Variants in TMTC3 observed in about 807,000 individuals in gnomAD.
TMTC3 encodes the protein transmembrane O-mannosyltransferase targeting cadherins 3, also known as protein O-mannosyl-transferase TMTC3.
In TMTC3, 52 loss-of-function variants were observed where a neutral mutation model predicts 92.2. The ratio of observed to expected loss-of-function variants is 0.56; its 90% confidence interval spans 0.45 to 0.71. The LOEUF (loss-of-function observed/expected upper bound fraction) is 0.71. Ranked by LOEUF, TMTC3 falls within the 30% of genes least tolerant of loss-of-function variation. The probability of loss-of-function intolerance (pLI) is 0.00; values close to 1 mark genes in which losing one functional copy is unlikely to be tolerated. For synonymous variants in TMTC3, 339 were observed against 363.3 expected, an observed-to-expected ratio of 0.93 and a Z score of 0.76; for missense variants, 896 against 1,057.1, an observed-to-expected ratio of 0.85 and a Z score of 2.11.
rs2041512339 is a variant in TMTC3 at position 88,196,366 on chromosome 12, T to C, written c.*717T>C. On this transcript the variant is annotated 3_prime_UTR_variant, in exon 14 of 14. Coordinates refer to ENST00000266712, the MANE Select transcript of TMTC3 (RefSeq NM_181783.4). ...ATTTTTTGTTGTTTAGTTTTACTTA[T>C]TGAGAGTGTCACAACATGAATCACA... 1 of 152,418 alleles carries C rather than the reference T, an allele frequency of 6.6e-6. No individual in the cohort carries two copies. Among genetic ancestry groups the C allele is most frequent in the African/African-American group, 2.4e-5 (1 of 41,448 alleles). 9.4% of individuals were successfully genotyped at this position (152,418 alleles called of 1,614,324 possible).
Position 88,199,878 on chromosome 12 carries a change from CAAAA to C in TMTC3, c.*4232_*4235del, listed in dbSNP as rs200655766. On this transcript the variant is annotated 3_prime_UTR_variant, in exon 14 of 14. Transcript: ENST00000266712. ...TTTCTGCCTTAAATAAAATAACCCT[CAAAA>C]AACCATTCTAGTTTGCCCTTTCTTA... The C allele has an allele frequency of 1.3e-5, 2 of 152,296 alleles. No homozygotes were observed. Among genetic ancestry groups the C allele is most frequent in the African/African-American group, 4.8e-5 (2 of 41,572 alleles). 9.4% of individuals were successfully genotyped at this position (152,296 alleles called of 1,614,324 possible). A position where few individuals can be genotyped will look rare whatever the true frequency, so the allele number is the denominator to read the frequency against.
At chr12:88,153,623 C>T (rs2040971128) in intron 3 of TMTC3, 114 bp downstream of exon 3, 1 of 563,728 alleles carries the variant, frequency 1.8e-6, no homozygotes, top group African/African-American at 1.9e-5. Flanking sequence ...GACTTTAATC[C>T]AAATATTTGA....
chr12:88,155,398 G>A (rs1225159333), intron 4 of TMTC3, among the ~76,000 whole-genome samples: 1 of 152,140 alleles, frequency 6.6e-6, no homozygotes, highest in African/African-American at 2.4e-5. Flanking sequence ...TCCTCTTTAA[G>A]TACCATCCTC....
At position 88,198,320 on chromosome 12, in the gene TMTC3, G is replaced by GAGCTTATCA; in HGVS notation, c.*2672_*2680dup. On this transcript the variant is annotated 3_prime_UTR_variant, in exon 14 of 14. Transcript: ENST00000266712. Reference sequence around the variant, plus strand: ...TGATCATATGGAAGTTTGGAAAAGAGAGCTTATCACAGGTTTGTATGCTGG... The same window carrying GAGCTTATCA: ...TGATCATATGGAAGTTTGGAAAAGAGAGCTTATCAAGCTTATCACAGGTTTGTATGCTGG... The GAGCTTATCA allele has an allele frequency of 2.5e-6, 1 of 397,898 alleles. No homozygotes were observed. Among genetic ancestry groups the GAGCTTATCA allele is most frequent in the Non-Finnish European group, 4.4e-6 (1 of 225,614 alleles). 24.6% of individuals were successfully genotyped at this position (397,898 alleles called of 1,614,324 possible).
intron 6 of TMTC3, among the ~76,000 whole-genome samples, chr12:88,165,140 T>C (rs958271974): frequency 6.6e-6 from 1 of 152,134 alleles, no homozygotes; most frequent in Non-Finnish European, 1.5e-5. Context: ...ATGGTGCTTA[T>C]AGCATATAAA....
rs961345809 is a variant in TMTC3, at chr12:88,160,753, G to T, written c.699G>T (p.Leu233=). Residue 233 remains leucine, a synonymous_variant, in exon 6 of 14, where the codon CTG becomes CTT. Transcript: ENST00000266712. ...AGGGTAGCATTCCATTTTCTATGCT[G>T]CAGACACTAGTAAAACTCATTGTCT... The part of the protein sequence containing the change: ...RGKGSIPFSM[L]QTLVKLIVLM... The T allele has an allele frequency of 6.2e-7, 1 of 1,613,344 alleles. No homozygotes were observed. Among genetic ancestry groups the T allele is most frequent in the Non-Finnish European group, 8.5e-7 (1 of 1,179,666 alleles).
chr12:88,168,391 C>T (rs1230996806), intron 7 of TMTC3, among the ~76,000 whole-genome samples: 3 of 152,120 alleles, frequency 2.0e-5, no homozygotes, highest in African/African-American at 2.4e-5. Context: ...TTAATTCCTC[C>T]CTAAGGGAAG....
intron 8 of TMTC3, among the ~76,000 whole-genome samples, chr12:88,173,936 G>C (rs2041231598): frequency 6.6e-6 from 1 of 152,028 alleles, no homozygotes; most frequent in East Asian, 1.9e-4. Context: ...ATCCATACTT[G>C]TGTGTTCTAG....
chr12:88,168,210 G>C (rs923470916), intron 7 of TMTC3, among the ~76,000 whole-genome samples: 6 of 152,208 alleles, frequency 3.9e-5, no homozygotes, highest in African/African-American at 1.4e-4. Flanking sequence ...ATGCTCTTGA[G>C]GGGGAAAGTG....
At chr12:88,172,431 A>C (rs1400723390) in intron 7 of TMTC3, among the ~76,000 whole-genome samples, 166 bp from the exon 8 acceptor site, 1 of 151,908 alleles carries the variant, frequency 6.6e-6, no homozygotes, top group Non-Finnish European at 1.5e-5. Context: ...TTTATGTTTA[A>C]ATTAATATTC....
intron 7 of TMTC3, among the ~76,000 whole-genome samples, chr12:88,170,765 A>G (rs1263899513): frequency 3.3e-5 from 5 of 152,228 alleles, no homozygotes; most frequent in African/African-American, 4.8e-5. Context: ...TCGGGGTAAC[A>G]AAATATGGAA....
chr12:88,198,122 T>C lies in TMTC3; in HGVS notation c.*2473T>C. On this transcript the variant is annotated 3_prime_UTR_variant, in exon 14 of 14. Transcript: ENST00000266712. ...AGTTTAAGTTCCATCAAACTAGCCC[T>C]TGTGTAAGATTATTATTTCTTCTCT... 1 of 389,378 alleles carries C rather than the reference T, an allele frequency of 2.6e-6. No individual in the cohort carries two copies. Among genetic ancestry groups the C allele is most frequent in the South Asian group, 1.4e-4 (1 of 6,948 alleles). The allele number at this position is 389,378 out of a possible 1,614,324, so 24.1% of individuals were successfully genotyped here.
intron 1 of TMTC3, 149 bp from the exon 2 acceptor site, chr12:88,148,139 G>A (rs2040898452): frequency 9.3e-6 from 5 of 537,640 alleles, no homozygotes; most frequent in Admixed American, 6.8e-5. Flanking sequence ...TTTCAACAAT[G>A]TGACTAGCTT....
intron 7 of TMTC3, among the ~76,000 whole-genome samples, chr12:88,170,039 A>G (rs1014423790): frequency 6.6e-6 from 1 of 152,166 alleles, no homozygotes; most frequent in Non-Finnish European, 1.5e-5. Flanking sequence ...ATTTGTCTCG[A>G]ACTCTTTGCT....
chr12:88,157,340 C>T (rs1281663866), intron 4 of TMTC3, among the ~76,000 whole-genome samples: 2 of 151,366 alleles, frequency 1.3e-5, no homozygotes, highest in African/African-American at 4.9e-5. Flanking sequence ...ATACACTGGC[C>T]TGTGCAAAGG....
At position 88,198,420 on chromosome 12, in the gene TMTC3, T is replaced by G; in HGVS notation, c.*2771T>G. The G allele has an allele frequency of 2.5e-6, 1 of 398,026 alleles. No homozygotes were observed. The highest frequency in any genetic ancestry group is 3.6e-5 in the East Asian group (1 of 28,038). 24.7% of individuals were successfully genotyped at this position (398,026 alleles called of 1,614,324 possible). ...AGCAGTTCTAGAAAAGCTTTGACAA[T>G]CCCCAAGGGGCAGTGTTACCTTACT... On this transcript the variant is annotated 3_prime_UTR_variant, in exon 14 of 14. Coordinates refer to ENST00000266712, the MANE Select transcript of TMTC3 (RefSeq NM_181783.4).
chr12:88,156,588 C>G (rs532485192), intron 4 of TMTC3, among the ~76,000 whole-genome samples: 1 of 152,232 alleles, frequency 6.6e-6, no homozygotes, highest in African/African-American at 2.4e-5. Context: ...CTGAAGTGCT[C>G]TGCTTTTACC....
chr12:88,175,374 T>C (rs1009564831), intron 9 of TMTC3, among the ~76,000 whole-genome samples: 9 of 152,212 alleles, frequency 5.9e-5, no homozygotes, highest in African/African-American at 2.2e-4. Flanking sequence ...CCCTTACCAG[T>C]ACCCCTCTTC....
At chr12:88,190,107 AAC>A (rs1347669866) in intron 11 of TMTC3, among the ~76,000 whole-genome samples, 1 of 152,184 alleles carries the variant, frequency 6.6e-6, no homozygotes, top group African/African-American at 2.4e-5. Context: ...TGTAAAAGAA[AAC>A]ACACACAAAA....
Sources: gnomAD v4.1 joint callset for allele counts (sites outside exome capture counted in the v4.1 genomes callset) on GRCh38, gnomAD v4.1.1 for gene constraint, MANE v1.5 for transcripts, NCBI Gene and HGNC (gene_info 2026-07-23, HGNC 2026-07-21) for gene names.